AP3B1: variants seen among roughly 807,000 people sequenced by gnomAD.
The protein encoded by AP3B1 is AP-3 complex subunit beta-1.
Under a neutral mutation model 132.5 loss-of-function variants are expected in AP3B1, and 61 were observed. The ratio of observed to expected loss-of-function variants is 0.46; its 90% CI spans 0.37 to 0.57. The LOEUF is 0.57. Among genes scored for constraint, AP3B1 ranks in the 20% least tolerant of loss-of-function variants. The pLI, the probability that AP3B1 is intolerant of heterozygous loss-of-function variation, is 0.00. For missense variants in AP3B1, 1,120 were observed against 1,289.4 expected, an observed-to-expected ratio of 0.87 and a Z score of 2.01; for synonymous variants, 388 against 438.3, an observed-to-expected ratio of 0.89 and a Z score of 1.43.
At chr5:78,136,188 G>A (rs757657657) in intron 15 of AP3B1, among the ~76,000 whole-genome samples, 3 of 152,024 alleles carry the variant, frequency 2.0e-5, no homozygotes, top group Non-Finnish European at 2.9e-5. Context: ...GCAGTTGCTC[G>A]CTAGGGTTAC....
rs1256194956 is a variant in AP3B1, at chr5:78,109,001, G to A, written c.2397+1206C>T. Among the ~76,000 whole-genome samples, 3 of 152,122 alleles carry A rather than the reference G, an allele frequency of 2.0e-5. No homozygotes were observed. The East Asian group carries it at 5.8e-4, about 29-fold the overall frequency. ...TCTGGGTTGTATTTACTGTCGATTT[G>A]TAACTCTCTTTATTTTCAATAACAT... On this transcript the variant is annotated intron_variant, in intron 20 of 26. Coordinates refer to ENST00000255194, the MANE Select transcript of AP3B1 (RefSeq NM_003664.5).
At chr5:78,080,550 T>G (rs1006654376) in intron 22 of AP3B1, among the ~76,000 whole-genome samples, 1 of 151,236 alleles carries the variant, frequency 6.6e-6, no homozygotes. Context: ...TAGTGAGTCA[T>G]GGAGAATACA....
At position 78,278,395 on chromosome 5, in the gene AP3B1, C is replaced by G. The variant is rs1362535116; in HGVS notation, c.129-10800G>C. On this transcript the variant is annotated intron_variant, in intron 1 of 26. Transcript: ENST00000255194. ...CGGGCGGATCACGAGGTCAGGAGAT[C>G]GAGACCATCCCGGCTAAAACGGTGA... Among the ~76,000 whole-genome samples the G allele has an allele frequency of 1.4e-5, 2 of 138,712 alleles. 1 individual carries two copies. The highest frequency in any genetic ancestry group is 3.3e-5 in the Non-Finnish European group (2 of 60,822). 91.0% of individuals were successfully genotyped at this position (138,712 alleles called of 152,430 possible).
intron 9 of AP3B1, among the ~76,000 whole-genome samples, chr5:78,176,071 A>G (rs897755596): frequency 1.3e-5 from 2 of 152,192 alleles, no homozygotes; most frequent in South Asian, 4.1e-4. Flanking sequence ...AACAAATTTT[A>G]TAATAAAGTG....
rs139627504 is a variant in AP3B1, at chr5:78,019,980, T to A, written c.2992+712A>T. On this transcript the variant is annotated intron_variant, in intron 25 of 26. Transcript: ENST00000255194. ...TAAATATGCCTTAATTTTATAAATGTTATCGTTAATTAAACACATAAAATC... is the reference window on the plus strand; with the variant it reads ...TAAATATGCCTTAATTTTATAAATGATATCGTTAATTAAACACATAAAATC... Among the ~76,000 whole-genome samples the A allele has an allele frequency of 2.3e-3, 354 of 152,226 alleles. 2 individuals are homozygous for A. The highest frequency in any genetic ancestry group is 8.1e-3 in the African/African-American group (338 of 41,552).
rs1747711011 is a variant in AP3B1 at position 78,034,423 on chromosome 5, G to A, written c.2832C>T (p.Ser944=). The stretch of plus-strand genomic sequence containing the variant: ...AGTCAATACCCATTGAAACTGTAAT[G>A]GATCCCTCAGGCTCAAGAGAGTCTA... ...NPIDSLEPEG[S]ITVSMGIDFC... is the part of the protein sequence containing the mutation. Residue 944 remains serine, a synonymous_variant, in exon 24 of 27, where the codon TCC becomes TCT. Coordinates refer to ENST00000255194, the MANE Select transcript of AP3B1 (RefSeq NM_003664.5). The A allele has an allele frequency of 1.2e-6, 2 of 1,611,136 alleles. No homozygotes were observed. Among genetic ancestry groups the A allele is most frequent in the Admixed American group, 3.3e-5 (2 of 59,950 alleles).
intron 23 of AP3B1, among the ~76,000 whole-genome samples, chr5:78,037,567 AAC>A (rs1024502723): frequency 3.3e-5 from 5 of 152,190 alleles, no homozygotes; most frequent in African/African-American, 9.6e-5. Flanking sequence ...GTAAAAATAT[AAC>A]ACACACACAA....
chr5:78,211,532 C>T (rs1439688550), intron 7 of AP3B1, among the ~76,000 whole-genome samples: 1 of 152,202 alleles, frequency 6.6e-6, no homozygotes, highest in Non-Finnish European at 1.5e-5. Flanking sequence ...ATCAGCTCAT[C>T]TCAAAAAGTG....
intron 22 of AP3B1, among the ~76,000 whole-genome samples, chr5:78,057,007 C>T (rs1340126171): frequency 6.6e-6 from 1 of 152,166 alleles, no homozygotes; most frequent in Admixed American, 6.5e-5. Context: ...TCCAACTCTT[C>T]TAGAACATAG....
chr5:78,061,192 G>A (rs150632645), intron 22 of AP3B1, among the ~76,000 whole-genome samples: 2 of 150,666 alleles, frequency 1.3e-5, no homozygotes, highest in East Asian at 3.9e-4. Context: ...TCAAAAGACT[G>A]ATGAATTGAT....
At chr5:78,100,788 A>G (rs1751091817) in intron 21 of AP3B1, among the ~76,000 whole-genome samples, 165 bp downstream of exon 21, 1 of 152,200 alleles carries the variant, frequency 6.6e-6, no homozygotes, top group Admixed American at 6.5e-5. Flanking sequence ...TGAATAGATG[A>G]AAGAAACAAA....
chr5:78,192,816 A>G (rs138782758), intron 7 of AP3B1, among the ~76,000 whole-genome samples: 2 of 152,316 alleles, frequency 1.3e-5, no homozygotes, highest in African/African-American at 4.8e-5. Context: ...CATGTGAAGA[A>G]GACAGTCATC....
intron 22 of AP3B1, among the ~76,000 whole-genome samples, chr5:78,085,380 CT>C (rs1306516521): frequency 6.6e-6 from 1 of 152,078 alleles, no homozygotes; most frequent in Non-Finnish European, 1.5e-5. Context: ...CATTTGTCCA[CT>C]TTTAAAAATA....
chr5:78,267,691 G>T, intron 1 of AP3B1, 96 bp from the exon 2 acceptor site: 2 of 763,656 alleles, frequency 2.6e-6, no homozygotes, highest in Non-Finnish European at 4.1e-6. Flanking sequence ...GTAATATCAT[G>T]GGCAATGTTA....
chr5:78,085,874 A>G (rs1030163607), intron 22 of AP3B1, among the ~76,000 whole-genome samples: 3 of 152,152 alleles, frequency 2.0e-5, no homozygotes, highest in Non-Finnish European at 4.4e-5. Context: ...AAAACCAAAA[A>G]ATAAAAAACC....
Position 78,175,782 on chromosome 5 carries a change from A to T in AP3B1, c.1095+2T>A. ...TAAATTACGTGTTCAGAACATACAT[A>T]CCTTTCTTTGAATTGACATAGTTGC... On this transcript the variant is annotated splice_donor_variant, in intron 10 of 26. Coordinates refer to ENST00000255194, the MANE Select transcript of AP3B1 (RefSeq NM_003664.5). LOFTEE classifies it high-confidence loss of function. The T allele has an allele frequency of 6.2e-7, 1 of 1,612,048 alleles. No individual in the cohort carries two copies. The highest frequency in any genetic ancestry group is 8.5e-7 in the Non-Finnish European group (1 of 1,178,544).
intron 24 of AP3B1, among the ~76,000 whole-genome samples, chr5:78,032,040 T>C (rs1024520870): frequency 3.3e-5 from 5 of 152,170 alleles, no homozygotes; most frequent in African/African-American, 1.2e-4. Context: ...TTGATCTCAA[T>C]AAATTTAATC....
At chr5:78,103,007 C>T (rs1270275910) in intron 20 of AP3B1, among the ~76,000 whole-genome samples, 1 of 152,042 alleles carries the variant, frequency 6.6e-6, no homozygotes, top group African/African-American at 2.4e-5. Context: ...CTGAGAACAG[C>T]AAATAACCAG....
intron 21 of AP3B1, among the ~76,000 whole-genome samples, chr5:78,093,692 C>A (rs185617309): frequency 6.6e-6 from 1 of 152,320 alleles, no homozygotes; most frequent in Admixed American, 6.5e-5. Flanking sequence ...GCATCATCTG[C>A]ATCATTGGCA....
Sources: gnomAD v4.1 joint callset for allele counts (sites outside exome capture counted in the v4.1 genomes callset) on GRCh38, gnomAD v4.1.1 for gene constraint, MANE v1.5 for transcripts, NCBI Gene and HGNC (gene_info 2026-07-23, HGNC 2026-07-21) for gene names.